Variants in EFNA5 observed in about 807,000 individuals in gnomAD.
EFNA5 encodes the protein ephrin-A5.
A neutral mutation model predicts 22.9 loss-of-function variants in EFNA5; 5 were observed. The observed-to-expected ratio is 0.22, with a 90% confidence interval of 0.11 to 0.46. The LOEUF is 0.46. Among genes scored for constraint, EFNA5 ranks in the 20% least tolerant of loss-of-function variants. EFNA5 has a pLI of 0.99. For missense variants in EFNA5, 237 were observed against 293.3 expected (o/e 0.81, Z 1.40); for synonymous variants, 113 against 112.2 (o/e 1.01, Z -0.04).
intron 1 of EFNA5, among the ~76,000 whole-genome samples, chr5:107,587,415 T>C (rs1008913852): frequency 6.6e-6 from 1 of 152,202 alleles, no homozygotes; most frequent in Non-Finnish European, 1.5e-5. Flanking sequence ...GTTTTTAAAG[T>C]TATGAAAAAT....
chr5:107,629,519 TG>T (rs1248928538), intron 1 of EFNA5, among the ~76,000 whole-genome samples: 1 of 152,118 alleles, frequency 6.6e-6, no homozygotes, highest in African/African-American at 2.4e-5. Context: ...GACAATGATA[TG>T]TCAGTGTAGG....
chr5:107,641,802 C>A (rs1303273651), intron 1 of EFNA5, among the ~76,000 whole-genome samples: 1 of 152,088 alleles, frequency 6.6e-6, no homozygotes, highest in Non-Finnish European at 1.5e-5. Context: ...TAGCCTTAAT[C>A]TAAAGAGGCA....
chr5:107,667,566 C>G (rs987375566), intron 1 of EFNA5, among the ~76,000 whole-genome samples: 2 of 152,058 alleles, frequency 1.3e-5, no homozygotes, highest in Admixed American at 1.3e-4. Flanking sequence ...TTTACCTAAA[C>G]ATAATTTCAA....
chr5:107,606,051 A>G (rs1749706359), intron 1 of EFNA5, among the ~76,000 whole-genome samples: 1 of 152,222 alleles, frequency 6.6e-6, no homozygotes, highest in Non-Finnish European at 1.5e-5. Context: ...AGCACTCAAC[A>G]GGGCCCACAT....
intron 1 of EFNA5, among the ~76,000 whole-genome samples, chr5:107,601,045 A>G (rs993356976): frequency 6.6e-6 from 1 of 152,234 alleles, no homozygotes; most frequent in African/African-American, 2.4e-5. Flanking sequence ...TAAAGCTAGC[A>G]GTCCCTATAA....
chr5:107,667,173 G>A (rs1751094341), intron 1 of EFNA5, among the ~76,000 whole-genome samples: 1 of 151,966 alleles, frequency 6.6e-6, no homozygotes, highest in South Asian at 2.1e-4. Context: ...TTAGGCAAAT[G>A]TTATCATATA....
At chr5:107,509,142 CAT>C (rs1325020524) in intron 1 of EFNA5, among the ~76,000 whole-genome samples, 3 of 152,156 alleles carry the variant, frequency 2.0e-5, no homozygotes, top group African/African-American at 4.8e-5. Context: ...ACTAGCGTGA[CAT>C]GTTAGTAGTC....
chr5:107,400,309 T>C (rs1251918077), intron 2 of EFNA5, among the ~76,000 whole-genome samples: 1 of 152,034 alleles, frequency 6.6e-6, no homozygotes, highest in Non-Finnish European at 1.5e-5. Flanking sequence ...ATAAGTCAAA[T>C]ATCAAATTTT....
intron 1 of EFNA5, among the ~76,000 whole-genome samples, chr5:107,458,334 C>T (rs1377849341): frequency 2.0e-5 from 3 of 152,030 alleles, no homozygotes; most frequent in African/African-American, 7.2e-5. Flanking sequence ...TAATTCCTTT[C>T]CTCAAAGATT....
intron 1 of EFNA5, among the ~76,000 whole-genome samples, chr5:107,540,440 G>A (rs1389389764): frequency 7.2e-5 from 11 of 152,078 alleles, no homozygotes; most frequent in South Asian, 6.2e-4. Flanking sequence ...TTATGTCACC[G>A]AACAAAAGCT....
In EFNA5 at chr5:107,621,735, C is replaced by G. The variant is rs13360702; in HGVS notation, c.125+48754G>C. Among the ~76,000 whole-genome samples the G allele has an allele frequency of 4.8e-3, 737 of 152,024 alleles. 10 individuals carry two copies. The highest frequency in any genetic ancestry group is 0.015 in the African/African-American group (643 of 41,506). On this transcript the variant is annotated intron_variant, in intron 1 of 4. Transcript: ENST00000333274. ...CTAGAAAACATGTAATTATTATCAC[C>G]ATCACTATTAAATAATAATGGATAA...
chr5:107,411,326 C>A (rs1748361007), intron 2 of EFNA5, among the ~76,000 whole-genome samples: 1 of 152,168 alleles, frequency 6.6e-6, no homozygotes, highest in Non-Finnish European at 1.5e-5. Context: ...GGCTAAAAAA[C>A]AAACCAACAA....
intron 1 of EFNA5, among the ~76,000 whole-genome samples, chr5:107,472,633 G>C (rs998620950): frequency 2.6e-5 from 4 of 152,200 alleles, no homozygotes; most frequent in African/African-American, 7.2e-5. Context: ...TGATGGGATA[G>C]TGCCTCCCAG....
chr5:107,538,204 G>A (rs1408316897), intron 1 of EFNA5, among the ~76,000 whole-genome samples: 1 of 152,186 alleles, frequency 6.6e-6, no homozygotes, highest in Non-Finnish European at 1.5e-5. Flanking sequence ...GAGGCCAAGA[G>A]GAGTTCACTA....
At chr5:107,444,180 G>GA (rs1259586839) in intron 1 of EFNA5, among the ~76,000 whole-genome samples, 1 of 152,176 alleles carries the variant, frequency 6.6e-6, no homozygotes, top group African/African-American at 2.4e-5. Context: ...CTGCACCCCT[G>GA]AAAAAAGCTA....
intron 2 of EFNA5, among the ~76,000 whole-genome samples, chr5:107,425,838 G>C (rs1223518590): frequency 6.6e-6 from 1 of 152,300 alleles, no homozygotes; most frequent in East Asian, 1.9e-4. Flanking sequence ...CTTAAACCGT[G>C]TAAGTTGTGA....
At chr5:107,494,333 A>G (rs2112417611) in intron 1 of EFNA5, among the ~76,000 whole-genome samples, 1 of 152,216 alleles carries the variant, frequency 6.6e-6, no homozygotes, top group South Asian at 2.1e-4. Context: ...CGGGCCCTGC[A>G]CTGGGAGCAG....
At chr5:107,602,076 A>C (rs1182960221) in intron 1 of EFNA5, among the ~76,000 whole-genome samples, 1 of 152,224 alleles carries the variant, frequency 6.6e-6, no homozygotes, top group Non-Finnish European at 1.5e-5. Flanking sequence ...AAGAGACGTG[A>C]GCTCACAGAG....
At chr5:107,569,567 A>ATATGTGTG (rs1554067021) in intron 1 of EFNA5, among the ~76,000 whole-genome samples, 4 of 21,326 alleles carry the variant, frequency 1.9e-4, no homozygotes, top group Non-Finnish European at 5.7e-4. Flanking sequence ...ATTTATATAT[A>ATATGTGTG]TATATATATA....
Sources: gnomAD v4.1 joint callset for allele counts (sites outside exome capture counted in the v4.1 genomes callset) on GRCh38, gnomAD v4.1.1 for gene constraint, MANE v1.5 for transcripts, NCBI Gene and HGNC (gene_info 2026-07-23, HGNC 2026-07-21) for gene names.